RIPOR3: variants seen among roughly 807,000 people sequenced by gnomAD.
RIPOR3 encodes the protein family with sequence similarity 65 member C.
Under a neutral mutation model 114.3 loss-of-function variants are expected in RIPOR3, and 95 were observed. The ratio of observed to expected loss-of-function variants is 0.83; its 90% confidence interval spans 0.70 to 0.99. RIPOR3 has a LOEUF of 0.99. RIPOR3 is among the 50% of genes least tolerant of loss of function. The probability of loss-of-function intolerance (pLI) is 0.00; values close to 1 mark genes in which losing one functional copy is unlikely to be tolerated. For synonymous variants in RIPOR3, 575 were observed against 543.8 expected (o/e 1.06, Z -0.80); for missense variants, 1,252 against 1,266.9 (o/e 0.99, Z 0.18).
At chr20:50,639,076 T>C (rs1483883568) in intron 1 of RIPOR3, among the ~76,000 whole-genome samples, 1 of 152,086 alleles carries the variant, frequency 6.6e-6, no homozygotes, top group African/African-American at 2.4e-5. Flanking sequence ...ACCCCATCTC[T>C]ACTAAAAACA....
rs866436531 is a variant in RIPOR3 at position 50,594,821 on chromosome 20, C to T, written c.2051-107G>A. The T allele has an allele frequency of 5.2e-5, 69 of 1,320,672 alleles. No homozygotes were observed. The South Asian group carries it at 6.8e-4, about 13-fold the overall frequency. The allele number at this position is 1,320,672 out of a possible 1,614,324, so 81.8% of individuals were successfully genotyped here. ...ACCTGAGGGGGTAGGGAGGAGGGGA[C>T]GGTGTGGCTTGATGCGAGGTCCCTT... On this transcript the variant is annotated intron_variant, in intron 16 of 21. Coordinates refer to ENST00000327979, the MANE Select transcript of RIPOR3 (RefSeq NM_001290268.2).
At chr20:50,628,326 A>G (rs1600624889) in intron 2 of RIPOR3, among the ~76,000 whole-genome samples, 1 of 152,012 alleles carries the variant, frequency 6.6e-6, no homozygotes, top group East Asian at 1.9e-4. Flanking sequence ...GCTCCCCTCC[A>G]CTGAGAATGT....
At chr20:50,621,501 C>T (rs1885179) in intron 2 of RIPOR3, among the ~76,000 whole-genome samples, 86,731 of 152,090 alleles carry the variant, frequency 0.57, 26,263 homozygotes, top group Middle Eastern at 0.7. Context: ...CTGCGTTAGT[C>T]AACATATTCT....
chr20:50,656,793 C>T (rs1264506402), intron 1 of RIPOR3, among the ~76,000 whole-genome samples: 3 of 152,310 alleles, frequency 2.0e-5, no homozygotes, highest in South Asian at 2.1e-4. Context: ...CTACCGTGCC[C>T]GGCCAACTCA....
intron 2 of RIPOR3, among the ~76,000 whole-genome samples, chr20:50,629,702 G>A (rs555835713): frequency 5.9e-5 from 9 of 152,280 alleles, no homozygotes; most frequent in East Asian, 5.8e-4. Context: ...TGCCTCCCTC[G>A]TGGTTCCTTC....
intron 2 of RIPOR3, among the ~76,000 whole-genome samples, chr20:50,629,479 T>C (rs2084741685): frequency 6.6e-6 from 1 of 152,160 alleles, no homozygotes; most frequent in Admixed American, 6.5e-5. Flanking sequence ...CATCGGGCTG[T>C]GGCCTCCAGA....
chr20:50,621,712 A>G (rs763584767), intron 2 of RIPOR3, among the ~76,000 whole-genome samples: 2 of 152,158 alleles, frequency 1.3e-5, no homozygotes, highest in Non-Finnish European at 2.9e-5. Context: ...AGTCAGACCA[A>G]ATCTCCATGA....
At position 50,615,102 on chromosome 20, in the gene RIPOR3, T is replaced by TG. The variant is rs1425338986; in HGVS notation, c.348+899_348+900insC. Among the ~76,000 whole-genome samples the TG allele has an allele frequency of 5.4e-5, 7 of 130,056 alleles. No individual in the cohort carries two copies. In the East Asian group the frequency reaches 1.7e-3, roughly 31 times the overall value. The allele number at this position is 130,056 out of a possible 152,430, so 85.3% of individuals were successfully genotyped here. A position where few individuals can be genotyped will look rare whatever the true frequency, so the allele number is the denominator to read the frequency against. On this transcript the variant is annotated intron_variant, in intron 4 of 21. Transcript: ENST00000327979. ...CAAACAAATTTAATGGGGCATGCTATTTGTGAGTGTGTGTGTGTGTGTGTG... is the reference window on the plus strand; with the variant it reads ...CAAACAAATTTAATGGGGCATGCTATGTTGTGAGTGTGTGTGTGTGTGTGTG...
At chr20:50,687,810 G>C (rs529663454) in intron 1 of RIPOR3, among the ~76,000 whole-genome samples, 4 of 152,014 alleles carry the variant, frequency 2.6e-5, no homozygotes, top group African/African-American at 9.6e-5. Context: ...AGGTGAGACA[G>C]GAGAATTGCT....
At chr20:50,672,263 G>A (rs566225337) in intron 1 of RIPOR3, among the ~76,000 whole-genome samples, 31 of 152,270 alleles carry the variant, frequency 2.0e-4, no homozygotes, top group African/African-American at 7.0e-4. Flanking sequence ...CCCGCAGCCC[G>A]TTCCTCCTGG....
chr20:50,670,158 CAAAAAAAAAAAAA>C (rs34360499), intron 1 of RIPOR3, among the ~76,000 whole-genome samples: 1 of 49,242 alleles, frequency 2.0e-5, no homozygotes, highest in Admixed American at 2.3e-4. Context: ...AACTCCATCT[CAAAAAAAAAAAAA>C]AAAAAAAAAG....
intron 1 of RIPOR3, among the ~76,000 whole-genome samples, chr20:50,679,619 AT>A (rs1421566301): frequency 7.9e-4 from 118 of 150,218 alleles, no homozygotes; most frequent in Middle Eastern, 6.8e-3. Context: ...AAAAAAAAAA[AT>A]TAGCCGGGCG....
Position 50,611,167 on chromosome 20 carries a change from G to T in RIPOR3, c.372+14C>A, listed in dbSNP as rs376632252. Reference sequence around the variant, plus strand: ...CCAGGCCCAGCCCACCTCACTCACCGTATGCAGACTCACCTTGTCCAGGTC... The same window carrying T: ...CCAGGCCCAGCCCACCTCACTCACCTTATGCAGACTCACCTTGTCCAGGTC... On this transcript the variant is annotated intron_variant, in intron 5 of 21. Transcript: ENST00000327979. The T allele has an allele frequency of 6.2e-6, 10 of 1,614,158 alleles. No homozygotes were observed. Among genetic ancestry groups the T allele is most frequent in the Non-Finnish European group, 7.6e-6 (9 of 1,180,030 alleles).
At chr20:50,661,512 C>T (rs542902697) in intron 1 of RIPOR3, among the ~76,000 whole-genome samples, 3 of 152,318 alleles carry the variant, frequency 2.0e-5, no homozygotes, top group Admixed American at 2.0e-4. Context: ...CAGGCAGAGG[C>T]TCTTTGGGAG....
At chr20:50,648,454 C>T (rs757827339) in intron 1 of RIPOR3, among the ~76,000 whole-genome samples, 12 of 141,056 alleles carry the variant, frequency 8.5e-5, no homozygotes, top group Non-Finnish European at 1.2e-4. Flanking sequence ...TCTAAAGCAG[C>T]GGTCCCCAAC....
chr20:50,686,004 GA>G (rs1178663022), intron 1 of RIPOR3, among the ~76,000 whole-genome samples: 2 of 151,832 alleles, frequency 1.3e-5, no homozygotes, highest in African/African-American at 4.8e-5. Context: ...ACGTGACAAA[GA>G]AAAAAATAGG....
At chr20:50,687,393 G>A (rs1162045192) in intron 1 of RIPOR3, among the ~76,000 whole-genome samples, 2 of 152,192 alleles carry the variant, frequency 1.3e-5, no homozygotes, top group South Asian at 2.1e-4. Context: ...CCATGCCTGG[G>A]GTCTGAATTC....
chr20:50,640,614 G>T, intron 1 of RIPOR3, among the ~76,000 whole-genome samples: 1 of 148,308 alleles, frequency 6.7e-6, no homozygotes, highest in Non-Finnish European at 1.5e-5. Context: ...CTGTCATCTC[G>T]GGGACACAGA....
rs953734412 is a variant in RIPOR3, at chr20:50,662,737, G to A, written c.3+28389C>T. The stretch of plus-strand genomic sequence containing the variant: ...CCCACCACTCTCTGGCTGGTGACAC[G>A]GGGGAAGTCAATTCTTTCCAAGCCT... On this transcript the variant is annotated intron_variant, in intron 1 of 21. Transcript: ENST00000327979. Among the ~76,000 whole-genome samples, 5 of 151,962 alleles carry A rather than the reference G, an allele frequency of 3.3e-5. No individual in the cohort carries two copies. The East Asian group carries it at 5.8e-4, about 18-fold the overall frequency.
Sources: gnomAD v4.1 joint callset for allele counts (sites outside exome capture counted in the v4.1 genomes callset) on GRCh38, gnomAD v4.1.1 for gene constraint, MANE v1.5 for transcripts, NCBI Gene and HGNC (gene_info 2026-07-23, HGNC 2026-07-21) for gene names.